Variants in STIM1 observed in about 807,000 individuals in gnomAD.
STIM1 encodes the protein stromal interaction molecule 1.
STIM1 carries 25 observed loss-of-function variants against 74.7 expected under a neutral mutation model. The observed-to-expected ratio is 0.33, with a 90% CI of 0.24 to 0.47. The LOEUF (loss-of-function observed/expected upper bound fraction) is 0.47, where lower values mean the gene tolerates loss of function less well. Among genes scored for constraint, STIM1 ranks in the 20% least tolerant of loss-of-function variants. STIM1 has a pLI of 1.00. For missense variants in STIM1, 728 were observed against 920.8 expected (o/e 0.79, Z 2.71); for synonymous variants, 328 against 348.8 (o/e 0.94, Z 0.66).
At chr11:3,977,723 CA>C (rs2093462294) in intron 2 of STIM1, among the ~76,000 whole-genome samples, 1 of 152,068 alleles carries the variant, frequency 6.6e-6, no homozygotes, top group African/African-American at 2.4e-5. Flanking sequence ...ACTGGCTATA[CA>C]ACTTTAGGCA....
At chr11:4,017,122 T>C (rs1392302891) in intron 2 of STIM1, among the ~76,000 whole-genome samples, 1 of 152,162 alleles carries the variant, frequency 6.6e-6, no homozygotes, top group East Asian at 1.9e-4. Flanking sequence ...GGTACCTCAG[T>C]TGGGAATGCA....
In STIM1 at chr11:3,941,669, T is replaced by TAG. The variant is rs1233313065; in HGVS notation, c.140-25882_140-25881insGA. Among the ~76,000 whole-genome samples, 279 of 86,390 alleles carry TAG rather than the reference T, an allele frequency of 3.2e-3. 3 individuals carry two copies. The highest frequency in any genetic ancestry group is 0.015 in the South Asian group (32 of 2,180). 56.7% of individuals were successfully genotyped at this position (86,390 alleles called of 152,430 possible). On this transcript the variant is annotated intron_variant, in intron 1 of 12. Transcript: ENST00000526596. ...GTGTGTATACATATATATATATATA[T>TAG]ATATAGAGAGAGAGAGAGAGAGAGA...
chr11:3,960,364 A>G (rs1218529596), intron 1 of STIM1, among the ~76,000 whole-genome samples: 3 of 152,230 alleles, frequency 2.0e-5, no homozygotes, highest in Non-Finnish European at 4.4e-5. Flanking sequence ...TCACTGTGAA[A>G]TTGACAGTTT....
chr11:3,978,220 C>T (rs530976995), intron 2 of STIM1, among the ~76,000 whole-genome samples: 16 of 150,848 alleles, frequency 1.1e-4, no homozygotes, highest in African/African-American at 3.7e-4. Context: ...ACTATCTCGG[C>T]TTACCGCAAC....
At chr11:3,909,636 A>G (rs1453745400) in intron 1 of STIM1, among the ~76,000 whole-genome samples, 3 of 152,012 alleles carry the variant, frequency 2.0e-5, no homozygotes, top group Non-Finnish European at 4.4e-5. Context: ...CATCCTGGCT[A>G]ACACGGTGAA....
At chr11:3,967,775 GT>G (rs1205156083) in intron 2 of STIM1, 93 bp downstream of exon 2, 2 of 1,564,652 alleles carry the variant, frequency 1.3e-6, no homozygotes, top group East Asian at 4.5e-5. Context: ...GGGGAGAGAT[GT>G]TCTCTGCTGG....
intron 1 of STIM1, among the ~76,000 whole-genome samples, chr11:3,909,093 T>C (rs957209031): frequency 7.2e-5 from 11 of 152,184 alleles, no homozygotes; most frequent in Non-Finnish European, 1.2e-4. Context: ...TTTTCTTTCC[T>C]GAGTTGAGTG....
At chr11:4,040,618 A>C (rs1176498818) in intron 3 of STIM1, among the ~76,000 whole-genome samples, 6 of 152,168 alleles carry the variant, frequency 3.9e-5, no homozygotes, top group Non-Finnish European at 8.8e-5. Context: ...ATATGATTTT[A>C]TCTCTTAATA....
At chr11:3,863,159 GT>G (rs1565093682) in intron 1 of STIM1, among the ~76,000 whole-genome samples, 1 of 151,934 alleles carries the variant, frequency 6.6e-6, no homozygotes, top group Non-Finnish European at 1.5e-5. Context: ...CTCCCAAAGT[GT>G]TGGGATTACA....
chr11:3,902,791 G>A (rs1377368797), intron 1 of STIM1, among the ~76,000 whole-genome samples: 2 of 152,176 alleles, frequency 1.3e-5, no homozygotes, highest in East Asian at 1.9e-4. Context: ...TGCTGAAGGC[G>A]TTAATTTCTG....
intron 1 of STIM1, among the ~76,000 whole-genome samples, chr11:3,915,649 A>G (rs2092632905): frequency 6.6e-6 from 1 of 152,040 alleles, no homozygotes; most frequent in Admixed American, 6.6e-5. Flanking sequence ...CACATGCCTC[A>G]GCCTCCCAAA....
chr11:3,895,639 TTTC>T (rs2092055741), intron 1 of STIM1, among the ~76,000 whole-genome samples: 2 of 7,586 alleles, frequency 2.6e-4, no homozygotes, highest in South Asian at 0.025. Context: ...TCTTTCTTTC[TTTC>T]TTTCTTTCTT....
intron 1 of STIM1, among the ~76,000 whole-genome samples, chr11:3,869,026 T>TG: frequency 6.6e-6 from 1 of 152,122 alleles, no homozygotes; most frequent in Non-Finnish European, 1.5e-5. Flanking sequence ...TGGAGTGCAG[T>TG]GGCGCCATCT....
chr11:3,913,459 G>A (rs766994778), intron 1 of STIM1, among the ~76,000 whole-genome samples: 25 of 152,102 alleles, frequency 1.6e-4, no homozygotes, highest in Admixed American at 1.6e-3. Context: ...AAGTGCTGGA[G>A]TTACAGGGAT....
chr11:3,936,681 C>A lies in STIM1; in HGVS notation c.140-30871C>A, dbSNP rs562181025. 5.9e-5 allele frequency among the ~76,000 whole-genome samples: 9 copies of A among 152,260 alleles called. No homozygotes were observed. The East Asian group carries it at 1.7e-3, about 29-fold the overall frequency. ...AGAGTGACCTTAGTAGTGGCTGCAG[C>A]CCATTCTGGACTTGGCACTATAGAG... On this transcript the variant is annotated intron_variant, in intron 1 of 12. Transcript: ENST00000526596.
At chr11:4,069,948 A>AG in intron 5 of STIM1, 78 bp from the exon 6 acceptor site, 1 of 1,514,894 alleles carries the variant, frequency 6.6e-7, no homozygotes, top group South Asian at 1.1e-5. Context: ...GGCTTCATAG[A>AG]GGAGGGATGC....
intron 2 of STIM1, among the ~76,000 whole-genome samples, chr11:3,995,322 T>C (rs2093653653): frequency 6.6e-6 from 1 of 152,306 alleles, no homozygotes; most frequent in South Asian, 2.1e-4. Context: ...GGGCTTATTA[T>C]TATTTGCTTG....
chr11:3,913,098 T>C (rs58280202), intron 1 of STIM1, among the ~76,000 whole-genome samples: 1,901 of 152,322 alleles, frequency 0.012, 43 homozygotes, highest in African/African-American at 0.044. Context: ...TTTTGTTTAA[T>C]CCACTGTATT....
chr11:3,895,301 A>C (rs953706614), intron 1 of STIM1, among the ~76,000 whole-genome samples: 1 of 152,180 alleles, frequency 6.6e-6, no homozygotes, highest in Non-Finnish European at 1.5e-5. Context: ...TCCTAGTGAC[A>C]GTGCAAATAC....
Sources: allele counts gnomAD v4.1 joint callset (sites outside exome capture counted in the v4.1 genomes callset), GRCh38; gene constraint gnomAD v4.1.1; transcripts MANE v1.5; gene names NCBI Gene and HGNC (gene_info 2026-07-23, HGNC 2026-07-21).